HPSE2: variants seen among roughly 807,000 people sequenced by gnomAD.
The protein encoded by HPSE2 is heparanase 2 (inactive).
A neutral mutation model predicts 60.5 loss-of-function variants in HPSE2; 38 were observed. The observed-to-expected ratio is 0.63, with a 90% CI of 0.48 to 0.82. The LOEUF (loss-of-function observed/expected upper bound fraction) is 0.82. Among genes scored for constraint, HPSE2 ranks in the 40% least tolerant of loss-of-function variants. The probability of loss-of-function intolerance (pLI) is 0.00; values close to 1 mark genes in which losing one functional copy is unlikely to be tolerated. For missense variants in HPSE2, 713 were observed against 740.4 expected (o/e 0.96, Z 0.43); for synonymous variants, 295 against 293.2 (o/e 1.01, Z -0.06).
chr10:99,037,496 C>A (rs1331529182), intron 3 of HPSE2, among the ~76,000 whole-genome samples: 2 of 151,766 alleles, frequency 1.3e-5, no homozygotes, highest in Non-Finnish European at 2.9e-5. Flanking sequence ...ATAGATTAAC[C>A]TTAAAAACAT....
At chr10:99,254,941 G>T in the HPSE2 span, among the ~76,000 whole-genome samples, 1 of 152,144 alleles carries the variant, frequency 6.6e-6, no homozygotes, top group African/African-American at 2.4e-5. Context: ...CTGATAACAG[G>T]TAAAGAGTTT....
chr10:98,763,399 C>T (rs779026835), intron 3 of HPSE2, among the ~76,000 whole-genome samples: 1 of 151,846 alleles, frequency 6.6e-6, no homozygotes, highest in African/African-American at 2.4e-5. Flanking sequence ...CATACATACC[C>T]AGACACATAA....
At chr10:98,732,422 G>C (rs1949249810) in intron 4 of HPSE2, among the ~76,000 whole-genome samples, 1 of 152,052 alleles carries the variant, frequency 6.6e-6, no homozygotes, top group Admixed American at 6.6e-5. Context: ...TGTAGTCCTA[G>C]CATAAGGAAA....
At chr10:99,037,338 A>G (rs552109215) in intron 3 of HPSE2, among the ~76,000 whole-genome samples, 1 of 152,248 alleles carries the variant, frequency 6.6e-6, no homozygotes, top group East Asian at 1.9e-4. Context: ...ATTATACAAT[A>G]TCTCTTTCTT....
rs569698531 is a variant in HPSE2 at position 99,153,040 on chromosome 10, G to A, written c.449-8641C>T. ...ATCCCATCCAAATATTGCGCATTTC[G>A]GACCGGCTTAAAAAACTGCGCACCA... On this transcript the variant is annotated intron_variant, in intron 2 of 11. Transcript: ENST00000370552. Among the ~76,000 whole-genome samples, 15 of 152,312 alleles carry A rather than the reference G, an allele frequency of 9.8e-5. No homozygotes were observed. The South Asian group carries it at 1.2e-3, about 13-fold the overall frequency.
chr10:99,059,207 A>G (rs1958180397), intron 3 of HPSE2, among the ~76,000 whole-genome samples: 1 of 152,222 alleles, frequency 6.6e-6, no homozygotes, highest in Admixed American at 6.5e-5. Flanking sequence ...GTAACATACC[A>G]GTAAAGACCA....
chr10:99,219,649 T>G (rs1291176937), intron 2 of HPSE2, among the ~76,000 whole-genome samples: 1 of 152,218 alleles, frequency 6.6e-6, no homozygotes, highest in Non-Finnish European at 1.5e-5. Flanking sequence ...AAAAGCCCTG[T>G]TATTTTGAGC....
At chr10:99,000,991 C>T (rs561338978) in intron 3 of HPSE2, among the ~76,000 whole-genome samples, 51 of 152,112 alleles carry the variant, frequency 3.4e-4, no homozygotes, top group African/African-American at 1.2e-3. Context: ...GACTTGTCCA[C>T]CCCATTCCTA....
At chr10:98,950,323 C>T (rs1221792193) in intron 3 of HPSE2, among the ~76,000 whole-genome samples, 1 of 152,042 alleles carries the variant, frequency 6.6e-6, no homozygotes, top group Non-Finnish European at 1.5e-5. Flanking sequence ...CAAGGATTAC[C>T]CAAAGGCATA....
At chr10:98,794,488 A>G (rs1047820926) in intron 3 of HPSE2, among the ~76,000 whole-genome samples, 2 of 152,078 alleles carry the variant, frequency 1.3e-5, no homozygotes, top group Admixed American at 1.3e-4. Context: ...CAAGTGACCC[A>G]CCTGCCTTGG....
At chr10:98,522,092 C>A (rs532384518) in intron 9 of HPSE2, among the ~76,000 whole-genome samples, 167 of 151,706 alleles carry the variant, frequency 1.1e-3, no homozygotes, top group Non-Finnish European at 1.3e-3. Context: ...ATTTATCAAA[C>A]CTGCATGTTG....
At chr10:98,989,023 T>C (rs1444769139) in intron 3 of HPSE2, among the ~76,000 whole-genome samples, 2 of 150,368 alleles carry the variant, frequency 1.3e-5, no homozygotes, top group African/African-American at 2.5e-5. Context: ...TGTGGAGAAA[T>C]AGGAACACTT....
intron 3 of HPSE2, among the ~76,000 whole-genome samples, chr10:99,100,541 G>C (rs1224087778): frequency 6.6e-6 from 1 of 152,154 alleles, no homozygotes; most frequent in African/African-American, 2.4e-5. Flanking sequence ...GTGACGGGGA[G>C]AACGGAACCA....
intron 3 of HPSE2, among the ~76,000 whole-genome samples, chr10:98,756,922 A>T (rs555607612): frequency 2.6e-4 from 39 of 152,310 alleles, no homozygotes; most frequent in African/African-American, 7.7e-4. Flanking sequence ...AGATGCAAAA[A>T]TCCTCAACAA....
intron 3 of HPSE2, among the ~76,000 whole-genome samples, chr10:99,124,459 A>T (rs1462384892): frequency 2.6e-5 from 4 of 152,110 alleles, no homozygotes; most frequent in African/African-American, 9.7e-5. Context: ...TCATGTCCAC[A>T]ACTCCCAGGC....
intron 3 of HPSE2, among the ~76,000 whole-genome samples, chr10:99,051,292 G>A (rs1021514667): frequency 1.3e-5 from 2 of 152,008 alleles, no homozygotes; most frequent in Non-Finnish European, 2.9e-5. Flanking sequence ...TTACTGCAAT[G>A]GTCTGGAACA....
chr10:99,115,484 A>G (rs1482116316), intron 3 of HPSE2, among the ~76,000 whole-genome samples: 1 of 151,550 alleles, frequency 6.6e-6, no homozygotes, highest in Non-Finnish European at 1.5e-5. Context: ...TTGTAGAGAC[A>G]GGGCTTTGCT....
intron 9 of HPSE2, among the ~76,000 whole-genome samples, chr10:98,597,724 C>T (rs892443049): frequency 6.6e-6 from 1 of 151,028 alleles, no homozygotes; most frequent in Non-Finnish European, 1.5e-5. Flanking sequence ...ACCTGTAATC[C>T]CAGCATCATG....
At chr10:99,124,740 G>A (rs539091608) in intron 3 of HPSE2, among the ~76,000 whole-genome samples, 1 of 152,392 alleles carries the variant, frequency 6.6e-6, no homozygotes, top group East Asian at 1.9e-4. Context: ...TGCTGGGGCA[G>A]AGGAGCTTCC....
Sources: gnomAD v4.1 joint callset for allele counts (sites outside exome capture counted in the v4.1 genomes callset) on GRCh38, gnomAD v4.1.1 for gene constraint, MANE v1.5 for transcripts, NCBI Gene and HGNC (gene_info 2026-07-23, HGNC 2026-07-21) for gene names.